The following LDHA variants were observed in gnomAD, a reference collection of about 807,000 sequenced individuals.
The protein encoded by LDHA is L-lactate dehydrogenase A chain.
LDHA carries 10 observed loss-of-function variants against 36.3 expected under a neutral mutation model. That is an observed-to-expected ratio of 0.28 (90% CI 0.17 to 0.47). The LOEUF (loss-of-function observed/expected upper bound fraction) is 0.47. LDHA is among the 20% of genes least tolerant of loss of function. LDHA has a pLI of 0.99. For missense variants in LDHA, 267 were observed against 405.8 expected, an observed-to-expected ratio of 0.66 and a Z score of 2.94; for synonymous variants, 110 against 136.7, an observed-to-expected ratio of 0.80 and a Z score of 1.36.
At chr11:18,402,466 T>C (rs1201137990) in intron 4 of LDHA, 2 of 213,254 alleles carry the variant, frequency 9.4e-6, no homozygotes, top group African/African-American at 5.7e-5. Flanking sequence ...GCTAGTTTGT[T>C]AAAAGTTTTT....
chr11:18,406,440 A>T (rs1866685212), intron 7 of LDHA, among the ~76,000 whole-genome samples: 1 of 137,976 alleles, frequency 7.2e-6, no homozygotes, highest in Admixed American at 7.4e-5. Context: ...AAAAAAGGCC[A>T]TGTGCGGGCA....
chr11:18,405,375 A>G, intron 6 of LDHA, 74 bp from the exon 7 acceptor site: 2 of 1,453,178 alleles, frequency 1.4e-6, no homozygotes, highest in South Asian at 2.3e-5. Flanking sequence ...AATGTGTATT[A>G]ATGAAAACTT....
chr11:18,405,590 T>TA lies in LDHA; in HGVS notation c.834+19dup, dbSNP rs768277742. The TA allele has an allele frequency of 3.7e-6, 6 of 1,612,892 alleles. No homozygotes were observed. Among genetic ancestry groups the TA allele is most frequent in the African/African-American group, 1.3e-5 (1 of 74,994 alleles). On this transcript the variant is annotated intron_variant, in intron 7 of 7. Coordinates refer to ENST00000422447, the MANE Select transcript of LDHA (RefSeq NM_005566.4). ...TGATTAAGGTAGGTCTATGTAGTGA[T>TA]ACGCTGCATTTGAATGCTTTTTGCT...
intron 7 of LDHA, among the ~76,000 whole-genome samples, chr11:18,406,281 A>G (rs745543220): frequency 1.3e-4 from 20 of 151,986 alleles, no homozygotes; most frequent in Non-Finnish European, 2.4e-4. Flanking sequence ...GTATTTTAAA[A>G]TCTTCATAAT....
At chr11:18,401,473 C>CTTTCT (rs1866494608) in intron 4 of LDHA, among the ~76,000 whole-genome samples, 1 of 68,588 alleles carries the variant, frequency 1.5e-5, no homozygotes, top group East Asian at 3.3e-4. Context: ...ATTTATTTTT[C>CTTTCT]TTTTTTTTTT....
chr11:18,402,783 C>A, intron 4 of LDHA, 57 bp from the exon 5 acceptor site: 1 of 1,350,764 alleles, frequency 7.4e-7, no homozygotes, highest in Non-Finnish European at 1.1e-6. Context: ...GTAGGTATAT[C>A]TTTTTTGTGT....
intron 6 of LDHA, among the ~76,000 whole-genome samples, chr11:18,404,055 T>G (rs1044693575): frequency 6.6e-6 from 1 of 152,048 alleles, no homozygotes; most frequent in Non-Finnish European, 1.5e-5. Flanking sequence ...CTCAGCCTCC[T>G]GGGTACCTGG....
rs961123148 is a variant in LDHA, at chr11:18,407,529, C to G, written c.*248C>G. Reference sequence around the variant, plus strand: ...TTAGTGTGAAATAGTTCTGCCACCTCTGACGCACCACTGCCAATGCTGTAC... The same window carrying G: ...TTAGTGTGAAATAGTTCTGCCACCTGTGACGCACCACTGCCAATGCTGTAC... On this transcript the variant is annotated 3_prime_UTR_variant, in exon 8 of 8. Transcript: ENST00000422447. 3 of 770,812 alleles carry G rather than the reference C, an allele frequency of 3.9e-6. No individual in the cohort carries two copies. Among genetic ancestry groups the G allele is most frequent in the East Asian group, 5.3e-5 (2 of 37,476 alleles). 47.7% of individuals were successfully genotyped at this position (770,812 alleles called of 1,614,324 possible).
rs892667449 is a variant in LDHA at position 18,405,310 on chromosome 11, T to C, written c.711-139T>C. On this transcript the variant is annotated intron_variant, in intron 6 of 7. Transcript: ENST00000422447. ...CCTGTACATAATATCCTAGCATACA[T>C]GTGTGCAAGGGTTATTCTTGGTATA... 1.5e-4 allele frequency: 122 copies of C among 838,538 alleles called. No individual in the cohort carries two copies. In the Admixed American group the frequency reaches 2.2e-3, roughly 15 times the overall value. The allele number at this position is 838,538 out of a possible 1,614,324, so 51.9% of individuals were successfully genotyped here.
At chr11:18,404,588 C>A (rs1030265372) in intron 6 of LDHA, among the ~76,000 whole-genome samples, 1 of 151,808 alleles carries the variant, frequency 6.6e-6, no homozygotes, top group Non-Finnish European at 1.5e-5. Flanking sequence ...GCAGGCAGAT[C>A]ACGAGGTCAG....
chr11:18,397,437 A>G (rs2134018454), intron 2 of LDHA: 1 of 154,516 alleles, frequency 6.5e-6, no homozygotes. Context: ...ATTAGAAAAA[A>G]GAAATTGTGA....
rs73434696 is a variant in LDHA, at chr11:18,402,437, G to A, written c.419-403G>A. 2,618 of 261,846 alleles carry A rather than the reference G, an allele frequency of 1.0e-2. 64 individuals are homozygous for A. Among genetic ancestry groups the A allele is most frequent in the African/African-American group, 0.056 (2,470 of 44,314 alleles). 16.2% of individuals were successfully genotyped at this position (261,846 alleles called of 1,614,324 possible). A position where few individuals can be genotyped will look rare whatever the true frequency, so the allele number is the denominator to read the frequency against. The stretch of plus-strand genomic sequence containing the variant: ...GCCTCTTAAGTAGCTAGGACTACAG[G>A]CGTGCACCAATATGCCTGGCTAGTT... On this transcript the variant is annotated intron_variant, in intron 4 of 7. Transcript: ENST00000422447.
At chr11:18,403,316 T>C (rs1057043668) in intron 5 of LDHA, among the ~76,000 whole-genome samples, 41 of 152,334 alleles carry the variant, frequency 2.7e-4, no homozygotes, top group African/African-American at 9.4e-4. Flanking sequence ...TGACTTGTAC[T>C]GCCTGGCCCT....
rs1353741920 is a variant in LDHA, at chr11:18,408,354, A to T, written c.*1073A>T. The T allele has an allele frequency of 1.4e-5, 5 of 364,502 alleles. No homozygotes were observed. Among genetic ancestry groups the T allele is most frequent in the African/African-American group, 2.1e-5 (1 of 46,764 alleles). 22.6% of individuals were successfully genotyped at this position (364,502 alleles called of 1,614,324 possible). On this transcript the variant is annotated 3_prime_UTR_variant, in exon 8 of 8. Transcript: ENST00000422447. ...TAAAAAAACAAAACAAAACCAAAAA[A>T]AACAAGTAACCTTGGTGGATGTCTA...
At position 18,406,886 on chromosome 11, in the gene LDHA, C is replaced by T. The variant is rs568149362; in HGVS notation, c.835-231C>T. On this transcript the variant is annotated intron_variant, in intron 7 of 7. Coordinates refer to ENST00000422447, the MANE Select transcript of LDHA (RefSeq NM_005566.4). The stretch of plus-strand genomic sequence containing the variant: ...AAAATTAGCCAAGTGTGGTGGCGCA[C>T]GCCTGTAGTCCCAGAAGGCTGAAGC... Among the ~76,000 whole-genome samples, 32 of 150,416 alleles carry T rather than the reference C, an allele frequency of 2.1e-4. No homozygotes were observed. In the East Asian group the frequency reaches 5.3e-3, roughly 25 times the overall value.
At position 18,400,875 on chromosome 11, in the gene LDHA, A is replaced by G; in HGVS notation, c.283A>G (p.Thr95Ala). Reference sequence around the variant, plus strand: ...TGCAAACTCCAAGCTGGTCATTATCACGGCTGGGGCACGTCAGCAAGAGGG... The same window carrying G: ...TGCAAACTCCAAGCTGGTCATTATCGCGGCTGGGGCACGTCAGCAAGAGGG... ...VTANSKLVII[T>A]AGARQQEGES... is the part of the protein sequence containing the mutation. The change falls in exon 4 of 8, where the codon ACG becomes GCG. Residue 95 changes from threonine (T) to alanine (A), a missense_variant. Coordinates refer to ENST00000422447, the MANE Select transcript of LDHA (RefSeq NM_005566.4). The G allele has an allele frequency of 1.2e-6, 2 of 1,613,650 alleles. No individual in the cohort carries two copies. The highest frequency in any genetic ancestry group is 1.1e-5 in the South Asian group (1 of 91,062).
Position 18,396,381 on chromosome 11 carries a change from G to T in LDHA, c.-24-438G>T, listed in dbSNP as rs1343559770. On this transcript the variant is annotated intron_variant, in intron 1 of 7. Coordinates refer to ENST00000422447, the MANE Select transcript of LDHA (RefSeq NM_005566.4). ...GCGCGCATGCGCGCGGATCACCGCA[G>T]GCTCCTGTGCCTTGGGCTTGAGCTT... 3.0e-5 allele frequency: 12 copies of T among 400,978 alleles called. No individual in the cohort carries two copies. In the East Asian group the frequency reaches 4.3e-4, roughly 14 times the overall value. The allele number at this position is 400,978 out of a possible 1,614,324, so 24.8% of individuals were successfully genotyped here. A position where few individuals can be genotyped will look rare whatever the true frequency, so the allele number is the denominator to read the frequency against.
chr11:18,394,840 C>T, intron 1 of LDHA: 6 of 354,966 alleles, frequency 1.7e-5, no homozygotes, highest in South Asian at 1.2e-4. Context: ...TCTGCTTTTG[C>T]TCTAAGCGGG....
At chr11:18,405,383 CTTTG>C (rs961097476) in intron 6 of LDHA, 62 bp from the exon 7 acceptor site, 38 of 1,540,972 alleles carry the variant, frequency 2.5e-5, no homozygotes, top group African/African-American at 6.8e-5. Context: ...TTAATGAAAA[CTTTG>C]TTTTTCTTTC....
Sources: gnomAD v4.1 joint callset for allele counts (sites outside exome capture counted in the v4.1 genomes callset) on GRCh38, gnomAD v4.1.1 for gene constraint, MANE v1.5 for transcripts, NCBI Gene and HGNC (gene_info 2026-07-23, HGNC 2026-07-21) for gene names.